The following PFDN1 variants were observed in gnomAD, a reference collection of about 807,000 sequenced individuals.
PFDN1 encodes the protein prefoldin 1.
In PFDN1, 6 loss-of-function variants were observed where a neutral mutation model predicts 17.3. That is an observed-to-expected ratio of 0.35 (90% CI 0.19 to 0.69). The LOEUF is 0.69. Ranked by LOEUF, PFDN1 falls within the 30% of genes least tolerant of loss-of-function variation. PFDN1 has a pLI of 0.65. For synonymous variants in PFDN1, 58 were observed against 50.1 expected, an observed-to-expected ratio of 1.16 and a Z score of -0.67; for missense variants, 113 against 146.2, an observed-to-expected ratio of 0.77 and a Z score of 1.17.
chr5:140,298,553 C>T lies in PFDN1; in HGVS notation c.200+1863G>A, dbSNP rs1765686930. Among the ~76,000 whole-genome samples the T allele has an allele frequency of 2.6e-5, 4 of 151,702 alleles. 1 individual carries two copies. In the South Asian group the frequency reaches 8.3e-4, roughly 32 times the overall value. ...CCTGTACTTAAGGGCTTTTCCATTC[C>T]TTTTTTTCTGCTTACAGAATATGAA... On this transcript the variant is annotated intron_variant, in intron 2 of 3. Coordinates refer to ENST00000261813, the MANE Select transcript of PFDN1 (RefSeq NM_002622.5).
At chr5:140,250,157 G>T (rs1453758006) in intron 3 of PFDN1, among the ~76,000 whole-genome samples, 2 of 152,112 alleles carry the variant, frequency 1.3e-5, no homozygotes. Flanking sequence ...AAAGACTTTA[G>T]GGAGAAACAA....
intron 3 of PFDN1, among the ~76,000 whole-genome samples, chr5:140,265,410 T>C (rs1226832743): frequency 6.6e-6 from 1 of 152,174 alleles, no homozygotes; most frequent in African/African-American, 2.4e-5. Context: ...TTTCCCTTAG[T>C]TGACCCAAGC....
chr5:140,263,756 T>C (rs557051696), intron 3 of PFDN1, among the ~76,000 whole-genome samples: 30 of 152,080 alleles, frequency 2.0e-4, no homozygotes, highest in Middle Eastern at 3.4e-3. Context: ...GCGTGGTGGC[T>C]CATGCCTGTA....
At chr5:140,284,459 T>C (rs904064964) in intron 2 of PFDN1, among the ~76,000 whole-genome samples, 1 of 152,224 alleles carries the variant, frequency 6.6e-6, no homozygotes, top group Non-Finnish European at 1.5e-5. Context: ...AAAAAGTCTT[T>C]GGAAAACATC....
chr5:140,288,736 G>A (rs907900579), intron 2 of PFDN1, among the ~76,000 whole-genome samples: 3 of 152,076 alleles, frequency 2.0e-5, no homozygotes, highest in African/African-American at 4.8e-5. Flanking sequence ...TGTAATCCCA[G>A]CACTTGGGGA....
intron 2 of PFDN1, among the ~76,000 whole-genome samples, chr5:140,291,861 G>C (rs1236288196): frequency 1.3e-5 from 2 of 152,112 alleles, no homozygotes; most frequent in Non-Finnish European, 2.9e-5. Flanking sequence ...AGGACCAAAT[G>C]GTACTGATAG....
At chr5:140,250,826 GC>G (rs1239411438) in intron 3 of PFDN1, among the ~76,000 whole-genome samples, 4 of 152,118 alleles carry the variant, frequency 2.6e-5, no homozygotes, top group African/African-American at 9.7e-5. Flanking sequence ...CTCACCCCCT[GC>G]CCCTGGATAT....
chr5:140,259,364 C>T (rs550177478), intron 3 of PFDN1, among the ~76,000 whole-genome samples: 7 of 152,232 alleles, frequency 4.6e-5, no homozygotes, highest in Non-Finnish European at 8.8e-5. Context: ...TTGTGTAGGT[C>T]CAACACAAGG....
intron 3 of PFDN1, among the ~76,000 whole-genome samples, chr5:140,275,190 C>T (rs1765271278): frequency 6.6e-6 from 1 of 151,890 alleles, no homozygotes; most frequent in South Asian, 2.1e-4. Flanking sequence ...AGGCAGATCA[C>T]GAGGTCAGAA....
intron 2 of PFDN1, among the ~76,000 whole-genome samples, chr5:140,289,434 C>G (rs1226261267): frequency 6.6e-6 from 1 of 152,158 alleles, no homozygotes; most frequent in Non-Finnish European, 1.5e-5. Flanking sequence ...ATGCTCAAAT[C>G]TAACTCTGAG....
At chr5:140,259,043 A>G (rs912208086) in intron 3 of PFDN1, among the ~76,000 whole-genome samples, 8 of 152,234 alleles carry the variant, frequency 5.3e-5, no homozygotes, top group Non-Finnish European at 1.5e-5. Flanking sequence ...AAAACTAAAA[A>G]GGAGGGAAAT....
chr5:140,283,036 T>A (rs1290195725), intron 2 of PFDN1, among the ~76,000 whole-genome samples: 1 of 152,160 alleles, frequency 6.6e-6, no homozygotes, highest in Non-Finnish European at 1.5e-5. Flanking sequence ...TGGGTTCTTA[T>A]CAAGAGAGTC....
chr5:140,273,851 G>A (rs1016233665), intron 3 of PFDN1: 1 of 959,752 alleles, frequency 1.0e-6, no homozygotes, highest in Non-Finnish European at 1.2e-6. Context: ...GAAGGAAGCT[G>A]GTGAACCTGT....
intron 2 of PFDN1, among the ~76,000 whole-genome samples, chr5:140,297,570 T>C (rs560173383): frequency 6.6e-6 from 1 of 152,198 alleles, no homozygotes; most frequent in Non-Finnish European, 1.5e-5. Flanking sequence ...TCTGAAATCA[T>C]GTAGAAGCTC....
In PFDN1 at chr5:140,254,157, G is replaced by A. The variant is rs1764953920; in HGVS notation, c.286-8100C>T. 6.6e-6 allele frequency among the ~76,000 whole-genome samples: 1 copy of A among 152,144 alleles called. No homozygotes were observed. The highest frequency in any genetic ancestry group is 1.5e-5 in the Non-Finnish European group (1 of 68,030). Reference sequence around the variant, plus strand: ...CAGTCAGACAATGTGTAAACAAATGGGTGTGGTGCAGATGAATGGGCACGG... The same window carrying A: ...CAGTCAGACAATGTGTAAACAAATGAGTGTGGTGCAGATGAATGGGCACGG... On this transcript the variant is annotated intron_variant, in intron 3 of 3. Transcript: ENST00000261813. The surrounding 1 kb of genome is among the most constrained non-coding windows in gnomAD (Gnocchi z 4.4).
chr5:140,262,995 T>C (rs902224021), intron 3 of PFDN1, among the ~76,000 whole-genome samples: 1 of 152,174 alleles, frequency 6.6e-6, no homozygotes, highest in African/African-American at 2.4e-5. Context: ...AATAATAAAA[T>C]CCCGCATTAA....
chr5:140,273,842 A>C (rs1765249295), intron 3 of PFDN1: 2 of 918,776 alleles, frequency 2.2e-6, no homozygotes, highest in Non-Finnish European at 2.6e-6. Context: ...GACAGAGGGG[A>C]AGGAAGCTGG....
At chr5:140,282,319 C>A (rs1581093907) in intron 2 of PFDN1, among the ~76,000 whole-genome samples, 1 of 151,174 alleles carries the variant, frequency 6.6e-6, no homozygotes, top group African/African-American at 2.4e-5. Flanking sequence ...AACAAATACC[C>A]TATAAGTTTT....
At chr5:140,280,067 C>T (rs1015090543) in intron 3 of PFDN1, among the ~76,000 whole-genome samples, 2 of 147,256 alleles carry the variant, frequency 1.4e-5, no homozygotes, top group Non-Finnish European at 3.0e-5. Flanking sequence ...ATCATTTATC[C>T]CTACGTCCCA....
Sources: gnomAD v4.1 joint callset for allele counts (sites outside exome capture counted in the v4.1 genomes callset) on GRCh38, gnomAD v4.1.1 for gene constraint, Gnocchi (gnomAD v3.1) non-coding constraint, MANE v1.5 for transcripts, NCBI Gene and HGNC (gene_info 2026-07-23, HGNC 2026-07-21) for gene names.